Variants in TENM4 observed in about 807,000 individuals in gnomAD.
TENM4 encodes the protein teneurin-4.
Under a neutral mutation model 243.3 loss-of-function variants are expected in TENM4, and 82 were observed. The observed-to-expected ratio is 0.34, with a 90% CI of 0.28 to 0.40. The LOEUF (loss-of-function observed/expected upper bound fraction) is 0.40, where lower values mean the gene tolerates loss of function less well. Ranked by LOEUF, TENM4 falls within the 10% of genes least tolerant of loss-of-function variation. TENM4 has a pLI of 1.00. For synonymous variants in TENM4, 1,412 were observed against 1,456.3 expected (o/e 0.97, Z 0.69); for missense variants, 3,138 against 3,673.3 (o/e 0.85, Z 3.77).
chr11:78,831,776 ATCAC>A (rs1249897716), intron 12 of TENM4, among the ~76,000 whole-genome samples: 2 of 152,174 alleles, frequency 1.3e-5, no homozygotes, highest in African/African-American at 2.4e-5. Flanking sequence ...TTTTAGGCAA[ATCAC>A]AATGCCTACT....
At chr11:79,367,159 T>C (rs764060155) in intron 1 of TENM4, among the ~76,000 whole-genome samples, 1 of 152,216 alleles carries the variant, frequency 6.6e-6, no homozygotes, top group Non-Finnish European at 1.5e-5. Context: ...TTTCCTTATC[T>C]GTAAAATTGG....
At chr11:78,859,106 A>G (rs1403094484) in intron 10 of TENM4, among the ~76,000 whole-genome samples, 1 of 152,212 alleles carries the variant, frequency 6.6e-6, no homozygotes, top group Non-Finnish European at 1.5e-5. Flanking sequence ...CTTAAAGATC[A>G]AGAGTCCGAT....
chr11:79,137,493 C>CA (rs200949384), intron 4 of TENM4, among the ~76,000 whole-genome samples: 3,925 of 151,974 alleles, frequency 0.026, 116 homozygotes, highest in East Asian at 0.073. Flanking sequence ...TGCCACCAGG[C>CA]AAAAAAACCC....
At chr11:79,097,771 G>C (rs1390036962) in intron 4 of TENM4, 1 of 151,536 alleles carries the variant, frequency 6.6e-6, no homozygotes, top group East Asian at 1.9e-4. Flanking sequence ...TGGGGATACA[G>C]TAGATGATAT....
At chr11:78,808,519 A>G (rs1353669069) in intron 14 of TENM4, among the ~76,000 whole-genome samples, 3 of 152,244 alleles carry the variant, frequency 2.0e-5, no homozygotes, top group African/African-American at 7.2e-5. Flanking sequence ...AAGTTAAATA[A>G]CTTGCCCAAG....
intron 16 of TENM4, among the ~76,000 whole-genome samples, chr11:78,784,435 G>A (rs928090010): frequency 2.0e-5 from 3 of 152,054 alleles, no homozygotes; most frequent in Admixed American, 6.5e-5. Flanking sequence ...TTTCTCATGG[G>A]GACGCAGCTG....
intron 1 of TENM4, among the ~76,000 whole-genome samples, chr11:79,410,258 T>G (rs1858669766): frequency 6.6e-6 from 1 of 152,160 alleles, no homozygotes; most frequent in Non-Finnish European, 1.5e-5. Context: ...TCAAATCCTT[T>G]TCTCAGGGCT....
chr11:79,085,082 G>T (rs867021519), intron 4 of TENM4, among the ~76,000 whole-genome samples: 1 of 151,786 alleles, frequency 6.6e-6, no homozygotes, highest in Admixed American at 6.6e-5. Context: ...AGAGAAAAGG[G>T]TTTTTTTTGG....
intron 1 of TENM4, among the ~76,000 whole-genome samples, chr11:79,431,724 A>T (rs1859172357): frequency 6.6e-6 from 1 of 152,188 alleles, no homozygotes; most frequent in South Asian, 2.1e-4. Context: ...TTAAATAGTC[A>T]TCTACCTGTA....
intron 4 of TENM4, among the ~76,000 whole-genome samples, chr11:79,146,736 C>T (rs7103912): frequency 0.055 from 8,359 of 152,166 alleles, 333 homozygotes; most frequent in Non-Finnish European, 0.078. Context: ...TCCTATGCTG[C>T]ATCCTCCCAG....
intron 6 of TENM4, among the ~76,000 whole-genome samples, chr11:78,984,733 T>C (rs1490513494): frequency 6.6e-6 from 1 of 152,200 alleles, no homozygotes; most frequent in Non-Finnish European, 1.5e-5. Context: ...GCATAGTGAT[T>C]AAGCACGGAT....
chr11:78,951,726 C>CCCTTATGA (rs1459810352), intron 6 of TENM4, among the ~76,000 whole-genome samples: 2 of 152,132 alleles, frequency 1.3e-5, no homozygotes, highest in Non-Finnish European at 2.9e-5. Context: ...CAGGGCTCTA[C>CCCTTATGA]CCTTATGACC....
intron 3 of TENM4, among the ~76,000 whole-genome samples, chr11:79,197,192 T>A (rs1863647102): frequency 6.6e-6 from 1 of 151,942 alleles, no homozygotes; most frequent in African/African-American, 2.4e-5. Flanking sequence ...GCAGTTCGTC[T>A]TGCTGGAAGG....
intron 2 of TENM4, among the ~76,000 whole-genome samples, chr11:79,279,047 C>T (rs1341226527): frequency 6.6e-6 from 1 of 152,174 alleles, no homozygotes; most frequent in Admixed American, 6.5e-5. Context: ...GGTGTTTACA[C>T]CTTTAGATGC....
chr11:79,392,402 G>A (rs79219072), intron 1 of TENM4, among the ~76,000 whole-genome samples: 268 of 152,324 alleles, frequency 1.8e-3, no homozygotes, highest in Non-Finnish European at 3.2e-3. Context: ...TGGCCTTGGG[G>A]CATTGAAGTG....
rs147265640 is a variant in TENM4, at chr11:78,815,197, C to T, written c.1682-802G>A. On this transcript the variant is annotated intron_variant, in intron 12 of 33. Coordinates refer to ENST00000278550, the MANE Select transcript of TENM4 (RefSeq NM_001098816.3). ...GGTCAGAAGTTTGAGACCAGCCTGG[C>T]CAACATGGTGAATCCCCATCTCTAC... Among the ~76,000 whole-genome samples, 180 of 152,178 alleles carry T rather than the reference C, an allele frequency of 1.2e-3. 2 individuals are homozygous for T. The East Asian group carries it at 0.033, about 28-fold the overall frequency.
At chr11:78,821,069 A>G (rs1254300619) in intron 12 of TENM4, among the ~76,000 whole-genome samples, 1 of 152,228 alleles carries the variant, frequency 6.6e-6, no homozygotes, top group Admixed American at 6.5e-5. Flanking sequence ...AAAGCCCCTG[A>G]CAGACTGGGC....
intron 3 of TENM4, among the ~76,000 whole-genome samples, chr11:79,189,181 T>A (rs893244195): frequency 1.3e-5 from 2 of 152,238 alleles, no homozygotes; most frequent in Admixed American, 6.5e-5. Context: ...TGATCTTGAA[T>A]AAGGTACTTT....
At chr11:78,769,318 G>A (rs1433890419) in intron 18 of TENM4, among the ~76,000 whole-genome samples, 2 of 152,176 alleles carry the variant, frequency 1.3e-5, no homozygotes, top group African/African-American at 2.4e-5. Flanking sequence ...GCTTTGTCCT[G>A]GCTTGGCCCA....
Sources: allele counts gnomAD v4.1 joint callset (sites outside exome capture counted in the v4.1 genomes callset), GRCh38; gene constraint gnomAD v4.1.1; transcripts MANE v1.5; gene names NCBI Gene and HGNC (gene_info 2026-07-23, HGNC 2026-07-21).